The following FAM135B variants were observed in gnomAD, a reference collection of about 807,000 sequenced individuals.
FAM135B encodes protein FAM135B.
In FAM135B, 43 loss-of-function variants were observed where a neutral mutation model predicts 127.7. The observed-to-expected ratio is 0.34, with a 90% CI of 0.26 to 0.43. The LOEUF (loss-of-function observed/expected upper bound fraction) is 0.43, where lower values mean the gene tolerates loss of function less well. FAM135B is among the 20% of genes least tolerant of loss of function. FAM135B has a pLI of 1.00. For synonymous variants in FAM135B, 670 were observed against 665.1 expected, an observed-to-expected ratio of 1.01 and a Z score of -0.11; for missense variants, 1,558 against 1,725.6, an observed-to-expected ratio of 0.90 and a Z score of 1.72.
chr8:138,410,663 C>A (rs1213318285), intron 1 of FAM135B, among the ~76,000 whole-genome samples: 2 of 152,154 alleles, frequency 1.3e-5, no homozygotes, highest in Non-Finnish European at 2.9e-5. Flanking sequence ...TGGAGAAAAG[C>A]ATTCGCTCAT....
chr8:138,241,237 A>T lies in FAM135B; in HGVS notation c.669+1705T>A, dbSNP rs79429688. ...CTCACTGCTTTCCACTCGCTTTCTT[A>T]CTCATTCACTTCCTATGTGCTGGGC... On this transcript the variant is annotated intron_variant, in intron 7 of 19. Transcript: ENST00000395297. The surrounding 1 kb of genome is among the most constrained non-coding windows in gnomAD (Gnocchi z 4.8). 8.0e-3 allele frequency among the ~76,000 whole-genome samples: 1,220 copies of T among 152,170 alleles called. 36 individuals carry two copies. In the East Asian group the frequency reaches 0.097, roughly 12 times the overall value.
chr8:138,463,710 T>A (rs1017342643), intron 1 of FAM135B, among the ~76,000 whole-genome samples: 9 of 151,068 alleles, frequency 6.0e-5, no homozygotes, highest in Admixed American at 1.3e-4. Flanking sequence ...AGGGAGGGAG[T>A]TAGAAAAGAG....
intron 2 of FAM135B, among the ~76,000 whole-genome samples, chr8:138,357,908 AT>A (rs1368572637): frequency 6.6e-6 from 1 of 152,174 alleles, no homozygotes; most frequent in African/African-American, 2.4e-5. Flanking sequence ...GCCGATAGGA[AT>A]AAACATGGTG....
intron 1 of FAM135B, among the ~76,000 whole-genome samples, chr8:138,495,870 C>T (rs1458276872): frequency 6.6e-6 from 1 of 152,098 alleles, no homozygotes; most frequent in Non-Finnish European, 1.5e-5. Context: ...ACAACTGAAG[C>T]GGTGTCTCCA....
At chr8:138,165,343 C>T (rs1819809585) in intron 12 of FAM135B, among the ~76,000 whole-genome samples, 1 of 152,014 alleles carries the variant, frequency 6.6e-6, no homozygotes, top group Non-Finnish European at 1.5e-5. Context: ...TGGTCTCGAA[C>T]TCCCGACCTC....
At chr8:138,201,328 G>C (rs1271208622) in intron 7 of FAM135B, among the ~76,000 whole-genome samples, 51 of 152,124 alleles carry the variant, frequency 3.4e-4, no homozygotes, top group Admixed American at 3.3e-3. Flanking sequence ...ATGTCATAGA[G>C]ATTTTTCAAG....
intron 3 of FAM135B, among the ~76,000 whole-genome samples, chr8:138,287,460 TTTTTTC>T (rs2130778092): frequency 6.7e-6 from 1 of 149,966 alleles, no homozygotes; most frequent in South Asian, 2.1e-4. Context: ...TTTTTTTTTT[TTTTTTC>T]AAATCTGCAT....
intron 9 of FAM135B, among the ~76,000 whole-genome samples, chr8:138,179,640 C>T (rs140884480): frequency 2.1e-4 from 32 of 152,294 alleles, no homozygotes; most frequent in African/African-American, 6.3e-4. Flanking sequence ...AATTCATGCA[C>T]GATAGGTGCT....
At chr8:138,232,571 ATCTT>A (rs1819982007) in intron 7 of FAM135B, among the ~76,000 whole-genome samples, 4 of 152,192 alleles carry the variant, frequency 2.6e-5, no homozygotes, top group Non-Finnish European at 5.9e-5. Context: ...ACTTGTATTT[ATCTT>A]GCAGGATTTT....
chr8:138,482,471 C>A (rs1441389551), intron 1 of FAM135B, among the ~76,000 whole-genome samples: 2 of 152,130 alleles, frequency 1.3e-5, no homozygotes, highest in African/African-American at 4.8e-5. Context: ...GTTAATTGCT[C>A]TGTTGTTACC....
chr8:138,173,137 G>A (rs1814074589), intron 11 of FAM135B, among the ~76,000 whole-genome samples: 1 of 152,134 alleles, frequency 6.6e-6, no homozygotes, highest in Non-Finnish European at 1.5e-5. Flanking sequence ...TTTTATTTGG[G>A]GTATTCTGTG....
intron 6 of FAM135B, among the ~76,000 whole-genome samples, chr8:138,246,142 T>C (rs796144962): frequency 5.3e-4 from 81 of 152,278 alleles, no homozygotes; most frequent in African/African-American, 1.7e-3. Context: ...CACAAAAGTT[T>C]GGAAAATTTG....
intron 3 of FAM135B, among the ~76,000 whole-genome samples, chr8:138,266,785 C>T (rs1470860212): frequency 1.9e-3 from 10 of 5,330 alleles, no homozygotes; most frequent in African/African-American, 5.2e-3. Flanking sequence ...TATACACACA[C>T]ACACACATAC....
At chr8:138,334,982 C>G (rs1410676626) in intron 2 of FAM135B, among the ~76,000 whole-genome samples, 1 of 152,160 alleles carries the variant, frequency 6.6e-6, no homozygotes, top group Admixed American at 6.6e-5. Context: ...CATTTATAAT[C>G]CTTATGCATG....
intron 8 of FAM135B, among the ~76,000 whole-genome samples, chr8:138,197,075 A>ATG (rs6150843): frequency 0.013 from 1,656 of 132,406 alleles, 14 homozygotes; most frequent in South Asian, 0.027. Flanking sequence ...ATGTATGCAT[A>ATG]TGTGTGTGTG....
chr8:138,322,795 C>A (rs1276890827), intron 2 of FAM135B, among the ~76,000 whole-genome samples: 2 of 152,148 alleles, frequency 1.3e-5, no homozygotes, highest in Non-Finnish European at 2.9e-5. Flanking sequence ...ACACCTGGCA[C>A]CATCTGGAAT....
rs180972909 is a variant in FAM135B, at chr8:138,415,903, G to A, written c.-19-47901C>T. On this transcript the variant is annotated intron_variant, in intron 1 of 19. Coordinates refer to ENST00000395297, the MANE Select transcript of FAM135B (RefSeq NM_015912.4). Reference sequence around the variant, plus strand: ...ATCTCCATTGGTTTCACGGTGTCTAGAAACTAAAATTCTACTTCTTTGGCA... The same window carrying A: ...ATCTCCATTGGTTTCACGGTGTCTAAAAACTAAAATTCTACTTCTTTGGCA... Among the ~76,000 whole-genome samples the A allele has an allele frequency of 8.5e-5, 13 of 152,268 alleles. No individual in the cohort carries two copies. In the East Asian group the frequency reaches 2.5e-3, roughly 29 times the overall value.
chr8:138,440,408 G>C (rs1175960630), intron 1 of FAM135B: 1 of 151,222 alleles, frequency 6.6e-6, no homozygotes, highest in Non-Finnish European at 1.5e-5. Flanking sequence ...AAATATCTAG[G>C]ACAAAAGTAA....
At chr8:138,445,948 C>G (rs2131567735) in intron 1 of FAM135B, among the ~76,000 whole-genome samples, 1 of 152,232 alleles carries the variant, frequency 6.6e-6, no homozygotes, top group East Asian at 1.9e-4. Context: ...TAAGCAACTT[C>G]AGCAAAGTCT....
Sources: gnomAD v4.1 joint callset for allele counts (sites outside exome capture counted in the v4.1 genomes callset) on GRCh38, gnomAD v4.1.1 for gene constraint, Gnocchi (gnomAD v3.1) non-coding constraint, MANE v1.5 for transcripts, NCBI Gene and HGNC (gene_info 2026-07-23, HGNC 2026-07-21) for gene names.